Variants in KCNIP4 observed in about 807,000 individuals in gnomAD.
KCNIP4 encodes Kv channel-interacting protein 4.
A neutral mutation model predicts 34.0 loss-of-function variants in KCNIP4; 12 were observed. The ratio of observed to expected loss-of-function variants is 0.35; its 90% CI spans 0.23 to 0.57. The LOEUF (loss-of-function observed/expected upper bound fraction) is 0.57, where lower values mean the gene tolerates loss of function less well. KCNIP4 is among the 20% of genes least tolerant of loss of function. The pLI is 0.83. For synonymous variants in KCNIP4, 124 were observed against 102.2 expected, an observed-to-expected ratio of 1.21 and a Z score of -1.29; for missense variants, 238 against 311.7, an observed-to-expected ratio of 0.76 and a Z score of 1.78.
At chr4:21,559,202 T>C (rs1560516051) in intron 1 of KCNIP4, among the ~76,000 whole-genome samples, 1 of 152,212 alleles carries the variant, frequency 6.6e-6, no homozygotes, top group East Asian at 1.9e-4. Flanking sequence ...AAGTACCACA[T>C]AATCATCAGC....
chr4:21,139,788 C>T (rs7658600), intron 1 of KCNIP4, among the ~76,000 whole-genome samples: 80,231 of 151,930 alleles, frequency 0.53, 21,776 homozygotes, highest in African/African-American at 0.64. Context: ...TAATAAATAT[C>T]CTACACACTA....
At position 20,758,178 on chromosome 4, in the gene KCNIP4, G is replaced by GA; in HGVS notation, c.358+642dup. Among the ~76,000 whole-genome samples the GA allele has an allele frequency of 2.0e-5, 3 of 152,262 alleles. No homozygotes were observed. The East Asian group carries it at 5.8e-4, about 29-fold the overall frequency. Reference sequence around the variant, plus strand: ...GAAAAACTATAAGGTCCAATGGCAAGAATATCTTTTCACTCATCTCTAACA... The same window carrying GA: ...GAAAAACTATAAGGTCCAATGGCAAGAAATATCTTTTCACTCATCTCTAACA... On this transcript the variant is annotated intron_variant, in intron 4 of 8. Transcript: ENST00000382152.
chr4:21,169,356 T>C (rs574538441), intron 1 of KCNIP4, among the ~76,000 whole-genome samples: 66 of 151,874 alleles, frequency 4.3e-4, no homozygotes, highest in Non-Finnish European at 5.4e-4. Context: ...CCTTCTATGA[T>C]GCCCAGGCTG....
chr4:21,107,427 C>CT (rs955753002), intron 1 of KCNIP4, among the ~76,000 whole-genome samples: 8 of 150,668 alleles, frequency 5.3e-5, no homozygotes, highest in African/African-American at 1.2e-4. Flanking sequence ...CAACCCCTGC[C>CT]TTTTTTTTGT....
At chr4:21,336,874 G>A (rs35684144) in intron 1 of KCNIP4, among the ~76,000 whole-genome samples, 8,030 of 152,012 alleles carry the variant, frequency 0.053, 405 homozygotes, top group East Asian at 0.2. Flanking sequence ...ACACACATAC[G>A]CAACTTTAAC....
chr4:21,536,441 A>G (rs1033966755), intron 1 of KCNIP4, among the ~76,000 whole-genome samples: 1 of 152,156 alleles, frequency 6.6e-6, no homozygotes, highest in Non-Finnish European at 1.5e-5. Flanking sequence ...TGAAAGGACT[A>G]TTTCCTATGC....
intron 1 of KCNIP4, among the ~76,000 whole-genome samples, chr4:21,194,826 C>T (rs549044859): frequency 6.6e-6 from 1 of 152,308 alleles, no homozygotes; most frequent in South Asian, 2.1e-4. Context: ...CAATTTTGGC[C>T]TACAGAAACA....
At chr4:21,383,282 GA>G (rs1447105162) in intron 1 of KCNIP4, among the ~76,000 whole-genome samples, 2 of 150,562 alleles carry the variant, frequency 1.3e-5, no homozygotes, top group Admixed American at 1.3e-4. Flanking sequence ...GGCAGCCCTA[GA>G]AAGGAATACA....
chr4:21,806,283 C>A (rs1342470385), intron 1 of KCNIP4, among the ~76,000 whole-genome samples: 2 of 152,082 alleles, frequency 1.3e-5, no homozygotes, highest in Non-Finnish European at 2.9e-5. Flanking sequence ...CAATATAGCA[C>A]CCCATATAGT....
chr4:20,749,855 T>G, intron 4 of KCNIP4, 123 bp from the exon 5 acceptor site: 2 of 580,290 alleles, frequency 3.4e-6, no homozygotes, highest in Non-Finnish European at 6.0e-6. Context: ...GTTTGTGCTT[T>G]CTTCACAACT....
intron 1 of KCNIP4, among the ~76,000 whole-genome samples, chr4:21,143,000 A>C (rs1195220865): frequency 6.6e-6 from 1 of 152,178 alleles, no homozygotes; most frequent in Admixed American, 6.5e-5. Context: ...CCTGCAAGAA[A>C]AAAAAATTAT....
intron 1 of KCNIP4, among the ~76,000 whole-genome samples, chr4:21,001,955 A>AC (rs1553925734): frequency 5.9e-5 from 9 of 151,922 alleles, no homozygotes; most frequent in African/African-American, 1.5e-4. Flanking sequence ...TTTTGTTTCC[A>AC]GTAAGTTCAT....
At chr4:21,516,715 G>A (rs1047109127) in intron 1 of KCNIP4, among the ~76,000 whole-genome samples, 2 of 152,118 alleles carry the variant, frequency 1.3e-5, no homozygotes, top group African/African-American at 2.4e-5. Context: ...CTGGGAAGAG[G>A]AAGTTTAGGA....
intron 1 of KCNIP4, among the ~76,000 whole-genome samples, chr4:21,814,090 G>A (rs763284653): frequency 9.2e-5 from 14 of 152,036 alleles, no homozygotes; most frequent in Non-Finnish European, 2.1e-4. Flanking sequence ...GGGAACCAAC[G>A]CTCCAGGAAG....
At chr4:20,784,146 C>T (rs1578611155) in intron 3 of KCNIP4, among the ~76,000 whole-genome samples, 1 of 152,270 alleles carries the variant, frequency 6.6e-6, no homozygotes, top group South Asian at 2.1e-4. Flanking sequence ...TTGTTTTAGC[C>T]ACCTGAGAGT....
chr4:21,242,163 C>CAAAAAAAAAA (rs11436478), intron 1 of KCNIP4, among the ~76,000 whole-genome samples: 5 of 55,740 alleles, frequency 9.0e-5, no homozygotes, highest in Admixed American at 2.3e-4. Flanking sequence ...AATTCTGTCT[C>CAAAAAAAAAA]AAAAAAAAAA....
chr4:21,668,632 A>G (rs2109003294), intron 1 of KCNIP4, among the ~76,000 whole-genome samples: 1 of 152,304 alleles, frequency 6.6e-6, no homozygotes, highest in Admixed American at 6.5e-5. Context: ...AACAATATGC[A>G]ATATATACAA....
At chr4:21,307,433 C>G (rs1233776379) in intron 1 of KCNIP4, among the ~76,000 whole-genome samples, 3 of 152,158 alleles carry the variant, frequency 2.0e-5, no homozygotes, top group African/African-American at 4.8e-5. Context: ...GGAATCACTA[C>G]CCTCTGAACC....
At chr4:21,119,479 C>A (rs1203674903) in intron 1 of KCNIP4, among the ~76,000 whole-genome samples, 7 of 146,192 alleles carry the variant, frequency 4.8e-5, no homozygotes, top group Admixed American at 4.1e-4. Context: ...GTACTCACAA[C>A]TTTCTACATT....
Sources: allele counts gnomAD v4.1 joint callset (sites outside exome capture counted in the v4.1 genomes callset), GRCh38; gene constraint gnomAD v4.1.1; transcripts MANE v1.5; gene names NCBI Gene and HGNC (gene_info 2026-07-23, HGNC 2026-07-21).